Variants in EXTL2 observed in about 807,000 individuals in gnomAD.
The protein encoded by EXTL2 is exostosin like glycosyltransferase 2.
In EXTL2, 23 loss-of-function variants were observed where a neutral mutation model predicts 30.7. The observed-to-expected ratio is 0.75, with a 90% confidence interval of 0.54 to 1.06. The LOEUF (loss-of-function observed/expected upper bound fraction) is 1.06. EXTL2 is among the 50% of genes least tolerant of loss of function. The probability of loss-of-function intolerance (pLI) is 0.00; values close to 1 mark genes in which losing one functional copy is unlikely to be tolerated. For synonymous variants in EXTL2, 123 were observed against 133.8 expected, an observed-to-expected ratio of 0.92 and a Z score of 0.56; for missense variants, 352 against 396.3, an observed-to-expected ratio of 0.89 and a Z score of 0.95.
intron 2 of EXTL2, chr1:100,885,815 T>C (rs950703837): frequency 6.6e-6 from 1 of 152,258 alleles, no homozygotes; most frequent in Non-Finnish European, 1.5e-5. Context: ...CTACCAATTC[T>C]ATGCTCTCCT....
intron 2 of EXTL2, among the ~76,000 whole-genome samples, chr1:100,882,690 T>C (rs570863310): frequency 7.9e-4 from 120 of 152,236 alleles, no homozygotes; most frequent in African/African-American, 2.8e-3. Flanking sequence ...TCTGTAGTGG[T>C]GCATGCCTAT....
At chr1:100,884,587 A>G (rs200553653) in intron 2 of EXTL2, among the ~76,000 whole-genome samples, 1 of 152,186 alleles carries the variant, frequency 6.6e-6, no homozygotes, top group East Asian at 1.9e-4. Context: ...ATTTCCCCTC[A>G]ATGGTACCTA....
At chr1:100,879,233 TG>T (rs1649376119) in intron 2 of EXTL2, among the ~76,000 whole-genome samples, 1 of 152,194 alleles carries the variant, frequency 6.6e-6, no homozygotes, top group South Asian at 2.1e-4. Flanking sequence ...TTCAATCTTC[TG>T]CTATTTCTGC....
At chr1:100,894,390 C>A (rs889109199) in intron 1 of EXTL2, among the ~76,000 whole-genome samples, 1 of 152,110 alleles carries the variant, frequency 6.6e-6, no homozygotes, top group African/African-American at 2.4e-5. Context: ...ATGAAATATA[C>A]GCTAACAAAG....
At chr1:100,886,859 A>T (rs1288376616) in intron 2 of EXTL2, among the ~76,000 whole-genome samples, 3 of 152,074 alleles carry the variant, frequency 2.0e-5, no homozygotes. Context: ...AATTGTAGCT[A>T]TTGATGATGA....
intron 2 of EXTL2, among the ~76,000 whole-genome samples, chr1:100,887,095 C>A (rs1238688833): frequency 1.3e-5 from 2 of 152,216 alleles, no homozygotes; most frequent in African/African-American, 2.4e-5. Context: ...CCAAGTACCT[C>A]TGCAAATATT....
At chr1:100,881,473 T>A (rs1322144375) in intron 2 of EXTL2, among the ~76,000 whole-genome samples, 1 of 152,222 alleles carries the variant, frequency 6.6e-6, no homozygotes, top group Non-Finnish European at 1.5e-5. Flanking sequence ...GAAGTAAACA[T>A]AAGCACCTCA....
In EXTL2 at chr1:100,892,380, T is replaced by A. The variant is rs559584452; in HGVS notation, c.-72+2253A>T. Among the ~76,000 whole-genome samples, 13 of 152,316 alleles carry A rather than the reference T, an allele frequency of 8.5e-5. No individual in the cohort carries two copies. In the South Asian group the frequency reaches 2.7e-3, roughly 32 times the overall value. On this transcript the variant is annotated intron_variant, in intron 1 of 4. Transcript: ENST00000370114. ...CTCGAACATCAGGCTCCAAGTTCTT[T>A]GACTGTTAGACTCTTAGACTTACAC... is the stretch of plus-strand genomic sequence containing the variant.
At chr1:100,888,412 A>AT (rs1650147017) in intron 2 of EXTL2, 1 of 199,498 alleles carries the variant, frequency 5.0e-6, no homozygotes, top group East Asian at 1.2e-4. Flanking sequence ...CACAACATAG[A>AT]TGAATCTTGA....
At position 100,877,770 on chromosome 1, in the gene EXTL2, T is replaced by A; in HGVS notation, c.139A>T (p.Lys47Ter). The change falls in exon 3 of 5, where the codon AAG becomes TAG. Residue 47 changes from lysine to a stop codon, truncating the protein, a stop_gained. Coordinates refer to ENST00000370114, the MANE Select transcript of EXTL2 (RefSeq NM_001033025.3). LOFTEE classifies it high-confidence loss of function. The surrounding 1 kb of genome is among the most constrained non-coding windows in gnomAD (Gnocchi z 4.1). ...TALLPSVKED[K>*]MLMLRREIKS... is the part of the protein sequence containing the mutation. The stretch of plus-strand genomic sequence containing the variant: ...ATTTCCCTACGCAACATGAGCATCT[T>A]GTCTTCTTTAACACTGGGAAGTAAG... 1 of 1,612,886 alleles carries A rather than the reference T, an allele frequency of 6.2e-7. No homozygotes were observed.
intron 2 of EXTL2, among the ~76,000 whole-genome samples, chr1:100,886,887 ATGTTTGGAGATGACCAATTCCAT>A (rs1425482741): frequency 6.6e-6 from 1 of 152,210 alleles, no homozygotes; most frequent in African/African-American, 2.4e-5. Flanking sequence ...AATGATGATG[ATGTTTGGAGATGACCAATTCCAT>A]GGACATATAT....
intron 2 of EXTL2, among the ~76,000 whole-genome samples, chr1:100,879,926 G>A (rs114428195): frequency 0.016 from 2,450 of 152,244 alleles, 40 homozygotes; most frequent in Non-Finnish European, 0.026. Context: ...GTTTGGAATA[G>A]AATAGAATAG....
chr1:100,874,833 A>T (rs1451526738), intron 4 of EXTL2, among the ~76,000 whole-genome samples: 1 of 152,092 alleles, frequency 6.6e-6, no homozygotes, highest in Non-Finnish European at 1.5e-5. Context: ...CTAATCTCTT[A>T]GGAGTATATA....
intron 3 of EXTL2, 79 bp from the exon 4 acceptor site, chr1:100,876,943 T>C (rs745840964): frequency 1.1e-5 from 9 of 824,004 alleles, no homozygotes; most frequent in Non-Finnish European, 1.8e-5. Context: ...AGTGTCTATA[T>C]AGATCATTCA....
chr1:100,893,319 A>C (rs1193521711), intron 1 of EXTL2, among the ~76,000 whole-genome samples: 2 of 152,216 alleles, frequency 1.3e-5, no homozygotes, highest in Non-Finnish European at 2.9e-5. Context: ...CGACATATTG[A>C]AAGGGCAAAA....
intron 2 of EXTL2, chr1:100,885,982 G>C (rs957798956): frequency 6.6e-6 from 1 of 152,178 alleles, no homozygotes; most frequent in African/African-American, 2.4e-5. Context: ...AATAGGAATA[G>C]ACTTATAATA....
At chr1:100,878,082 T>C (rs929262247) in intron 2 of EXTL2, among the ~76,000 whole-genome samples, 179 bp from the exon 3 acceptor site, 1 of 152,124 alleles carries the variant, frequency 6.6e-6, no homozygotes, top group Non-Finnish European at 1.5e-5. Context: ...AGTTTAATAT[T>C]CCCTTCCTTC....
chr1:100,874,754 A>C (rs1648969368), intron 4 of EXTL2, among the ~76,000 whole-genome samples: 1 of 152,102 alleles, frequency 6.6e-6, no homozygotes, highest in South Asian at 2.1e-4. Context: ...TGCTGCGAGA[A>C]AAGTTGACTG....
At chr1:100,875,791 T>A (rs1037129392) in intron 4 of EXTL2, among the ~76,000 whole-genome samples, 1 of 152,114 alleles carries the variant, frequency 6.6e-6, no homozygotes, top group African/African-American at 2.4e-5. Context: ...ACAGTCCCCA[T>A]ATTCTGCCTC....
Sources: gnomAD v4.1 joint callset for allele counts (sites outside exome capture counted in the v4.1 genomes callset) on GRCh38, gnomAD v4.1.1 for gene constraint, Gnocchi (gnomAD v3.1) non-coding constraint, MANE v1.5 for transcripts, NCBI Gene and HGNC (gene_info 2026-07-23, HGNC 2026-07-21) for gene names.